Variants in DNAJA4 observed in about 807,000 individuals in gnomAD.
DNAJA4 encodes dnaJ homolog subfamily A member 4.
A neutral mutation model predicts 39.7 loss-of-function variants in DNAJA4; 32 were observed. That is an observed-to-expected ratio of 0.81 (90% CI 0.61 to 1.08). The LOEUF is 1.08. DNAJA4 is among the 50% of genes least tolerant of loss of function. DNAJA4 has a pLI of 0.00. For missense variants in DNAJA4, 439 were observed against 505.1 expected (o/e 0.87, Z 1.25); for synonymous variants, 184 against 182.4 (o/e 1.01, Z -0.07).
At chr15:78,264,254 CGGCG>C, upstream of DNAJA4, 1 of 1,178,934 alleles carries the variant, frequency 8.5e-7, no homozygotes, top group Non-Finnish European at 1.1e-6. Flanking sequence ...GGCCTCGGGG[CGGCG>C]GGACAGTTGT....
rs558017956 is a variant in DNAJA4 at position 78,275,127 on chromosome 15, G to A, written c.647-371G>A. The A allele has an allele frequency of 5.2e-5, 12 of 228,894 alleles. No homozygotes were observed. In the East Asian group the frequency reaches 1.1e-3, roughly 21 times the overall value. The allele number at this position is 228,894 out of a possible 1,614,324, so 14.2% of individuals were successfully genotyped here. A position where few individuals can be genotyped will look rare whatever the true frequency, so the allele number is the denominator to read the frequency against. On this transcript the variant is annotated intron_variant, in intron 4 of 6. Coordinates refer to ENST00000394852, the MANE Select transcript of DNAJA4 (RefSeq NM_001130182.2). Reference sequence around the variant, plus strand: ...TGTGCAAGCTGACTTATTAGAAAAGGACAGGGCTGGCTGACCTGTCCCTAT... The same window carrying A: ...TGTGCAAGCTGACTTATTAGAAAAGAACAGGGCTGGCTGACCTGTCCCTAT...
chr15:78,276,863 T>C (rs1034987524), intron 5 of DNAJA4, among the ~76,000 whole-genome samples: 10 of 152,240 alleles, frequency 6.6e-5, no homozygotes, highest in African/African-American at 2.4e-4. Flanking sequence ...CCTGGACTTC[T>C]GTTCCCTCCG....
intron 3 of DNAJA4, among the ~76,000 whole-genome samples, chr15:78,273,695 T>G (rs1054278270): frequency 6.6e-6 from 1 of 152,204 alleles, no homozygotes; most frequent in African/African-American, 2.4e-5. Context: ...AACCAAGCAG[T>G]CTGGCCATGG....
intron 1 of DNAJA4, chr15:78,266,322 A>G (rs1361554175): frequency 4.4e-6 from 7 of 1,591,334 alleles, no homozygotes; most frequent in Admixed American, 1.7e-5. Flanking sequence ...GTATACAGTT[A>G]GAGCTGAATA....
intron 1 of DNAJA4, among the ~76,000 whole-genome samples, chr15:78,267,728 C>G (rs1409827740): frequency 1.3e-5 from 2 of 152,356 alleles, no homozygotes; most frequent in Non-Finnish European, 2.9e-5. Context: ...ATCCTAACCA[C>G]TCTGTGCTTC....
At chr15:78,267,559 A>G (rs1377076420) in intron 1 of DNAJA4, among the ~76,000 whole-genome samples, 3 of 151,902 alleles carry the variant, frequency 2.0e-5, no homozygotes, top group African/African-American at 7.3e-5. Context: ...GATGTGGGGT[A>G]TATTCTTGGC....
chr15:78,264,302 C>G, upstream of DNAJA4: 4 of 1,385,454 alleles, frequency 2.9e-6, no homozygotes, highest in Non-Finnish European at 3.7e-6. Flanking sequence ...GCCGCCTTCT[C>G]CGGCCCCCGC....
At chr15:78,278,553 G>A (rs1221440171) in intron 5 of DNAJA4, among the ~76,000 whole-genome samples, 2 of 152,226 alleles carry the variant, frequency 1.3e-5, no homozygotes, top group Admixed American at 1.3e-4. Flanking sequence ...GAGTATGTGA[G>A]TATCTGAACA....
At chr15:78,274,522 A>G in intron 4 of DNAJA4, 98 bp downstream of exon 4, 1 of 1,036,870 alleles carries the variant, frequency 9.6e-7, no homozygotes, top group Non-Finnish European at 1.5e-6. Context: ...AGTGAGCTGT[A>G]TCACAACATG....
chr15:78,264,238 G>C, upstream of DNAJA4: 1 of 1,118,350 alleles, frequency 8.9e-7, no homozygotes, highest in Non-Finnish European at 1.2e-6. Flanking sequence ...GGAAGGGCAA[G>C]GGGGCGGCCT....
At chr15:78,278,126 G>A (rs1398523646) in intron 5 of DNAJA4, 1 of 456,006 alleles carries the variant, frequency 2.2e-6, no homozygotes, top group Non-Finnish European at 4.4e-6. Flanking sequence ...TGATTTTGGA[G>A]CCACACAAGG....
At chr15:78,264,461 G>A, upstream of DNAJA4, 1 of 1,324,954 alleles carries the variant, frequency 7.5e-7, no homozygotes, top group Non-Finnish European at 9.6e-7. Context: ...GGGGCCGCCG[G>A]AACCTCCGCG....
intron 5 of DNAJA4, among the ~76,000 whole-genome samples, 178 bp downstream of exon 5, chr15:78,275,906 G>A (rs753228318): frequency 1.3e-5 from 2 of 152,088 alleles, no homozygotes; most frequent in Middle Eastern, 3.2e-3. Context: ...GGCATCTGTC[G>A]CCTTGAGTAT....
At chr15:78,275,270 T>C in intron 4 of DNAJA4, 1 of 539,098 alleles carries the variant, frequency 1.9e-6, no homozygotes, top group Non-Finnish European at 3.3e-6. Flanking sequence ...AGAGCCGCAT[T>C]CCCCCACTCC....
intron 1 of DNAJA4, chr15:78,266,212 A>G (rs778705789): frequency 3.1e-6 from 5 of 1,613,620 alleles, no homozygotes; most frequent in Non-Finnish European, 4.2e-6. Flanking sequence ...GTAGGCTTCT[A>G]ATTTCACATT....
chr15:78,275,459 A>G (rs2049427021), intron 4 of DNAJA4, 39 bp from the exon 5 acceptor site: 2 of 1,524,130 alleles, frequency 1.3e-6, no homozygotes, highest in Admixed American at 1.7e-5. Flanking sequence ...CATGGTTTGT[A>G]TGAGAAATGG....
chr15:78,266,958 G>A (rs953180942), intron 1 of DNAJA4, among the ~76,000 whole-genome samples: 1 of 152,152 alleles, frequency 6.6e-6, no homozygotes, highest in African/African-American at 2.4e-5. Context: ...GGAGGAGAGT[G>A]GCAATTTAGA....
At chr15:78,264,183 C>T (rs1595920294), upstream of DNAJA4, 1 of 587,522 alleles carries the variant, frequency 1.7e-6, no homozygotes, top group Non-Finnish European at 2.6e-6. Context: ...CCAACACAGC[C>T]CTCCAGGCCG....
rs1327538523 is a variant in DNAJA4, at chr15:78,282,034, TC to T, written c.*1576del. ...GGGGTGTCGTTTTTGTGCTGTGACT[TC>T]CTAATTATTGCTAAAGAACTACTGT... On this transcript the variant is annotated 3_prime_UTR_variant, in exon 7 of 7. Coordinates refer to ENST00000394852, the MANE Select transcript of DNAJA4 (RefSeq NM_001130182.2). The T allele has an allele frequency of 6.6e-6, 1 of 152,236 alleles. No individual in the cohort carries two copies. Among genetic ancestry groups the T allele is most frequent in the East Asian group, 1.9e-4 (1 of 5,204 alleles). 9.4% of individuals were successfully genotyped at this position (152,236 alleles called of 1,614,324 possible).
Sources: allele counts gnomAD v4.1 joint callset (sites outside exome capture counted in the v4.1 genomes callset), GRCh38; gene constraint gnomAD v4.1.1; transcripts MANE v1.5; gene names NCBI Gene and HGNC (gene_info 2026-07-23, HGNC 2026-07-21).